The following TENM3 variants were observed in gnomAD, a reference collection of about 807,000 sequenced individuals.
TENM3 encodes the protein teneurin transmembrane protein 3.
TENM3 carries 63 observed loss-of-function variants against 255.1 expected under a neutral mutation model. That is an observed-to-expected ratio of 0.25 (90% CI 0.20 to 0.30). TENM3 has a LOEUF of 0.30. TENM3 is among the 10% of genes least tolerant of loss of function. The pLI is 1.00. For synonymous variants in TENM3, 1,306 were observed against 1,322.3 expected (o/e 0.99, Z 0.27); for missense variants, 2,929 against 3,461.1 (o/e 0.85, Z 3.86).
chr4:181,948,716 G>A, the TENM3 span, among the ~76,000 whole-genome samples: 4 of 152,070 alleles, frequency 2.6e-5, no homozygotes, highest in South Asian at 2.1e-4. Context: ...GCGCCTGGCC[G>A]GAAAATTATG....
the TENM3 span, among the ~76,000 whole-genome samples, chr4:181,570,930 G>C: frequency 6.6e-6 from 1 of 152,210 alleles, no homozygotes; most frequent in African/African-American, 2.4e-5. Context: ...CTGGCAGTGG[G>C]GAAGAAGTGT....
chr4:182,428,146 A>G (rs769319249), intron 3 of TENM3, among the ~76,000 whole-genome samples: 4 of 152,206 alleles, frequency 2.6e-5, no homozygotes, highest in African/African-American at 4.8e-5. Context: ...ACCAACCTGG[A>G]TTCAGAGAGC....
Position 182,743,365 on chromosome 4 carries a change from A to G in TENM3, c.3575A>G (p.Asn1192Ser). 1 of 1,613,960 alleles carries G rather than the reference A, an allele frequency of 6.2e-7. No homozygotes were observed. Among genetic ancestry groups the G allele is most frequent in the Non-Finnish European group, 8.5e-7 (1 of 1,179,842 alleles). ...IDGSLYVGDFNYVRRIFPSGN... is the reference protein window; with the variant it reads ...IDGSLYVGDFSYVRRIFPSGN... ...GGCAGTCTGTACGTAGGCGATTTCA[A>G]CTATGTGCGGCGGATATTCCCTTCT... Residue 1192 changes from asparagine to serine, a missense_variant, in exon 19 of 28, where the codon AAC becomes AGC. Physicochemically the swap from Asn to Ser is conservative, Grantham distance 46. Transcript: ENST00000511685.
intron 1 of TENM3, among the ~76,000 whole-genome samples, chr4:182,227,554 A>G (rs1186189027): frequency 6.6e-6 from 1 of 151,612 alleles, no homozygotes; most frequent in Non-Finnish European, 1.5e-5. Context: ...CATGGTTTAC[A>G]GTGTATGAGT....
the TENM3 span, among the ~76,000 whole-genome samples, chr4:181,752,796 G>C: frequency 6.6e-6 from 1 of 151,230 alleles, no homozygotes; most frequent in Non-Finnish European, 1.5e-5. Flanking sequence ...AAAAAAAATA[G>C]ATCTTTTAAA....
At chr4:181,572,596 T>A in the TENM3 span, among the ~76,000 whole-genome samples, 2 of 152,164 alleles carry the variant, frequency 1.3e-5, no homozygotes, top group Non-Finnish European at 2.9e-5. Flanking sequence ...TTACTTTATA[T>A]TTTTATTTTG....
chr4:182,736,850 C>G lies in TENM3; in HGVS notation c.3010C>G (p.Leu1004Val), dbSNP rs1210648199. ...TACAATTCCAGGAACAGATTTGAAACTCTCCTACTTGAGTTCCAGAGCTGC... is the reference window on the plus strand; with the variant it reads ...TACAATTCCAGGAACAGATTTGAAAGTCTCCTACTTGAGTTCCAGAGCTGC... ...ETTIPGTDLK[L>V]SYLSSRAAGY... The change falls in exon 17 of 28, where the codon CTC (leucine) becomes GTC (valine). Residue 1004 changes from leucine (L) to valine (V), a missense_variant. Leu to Val is a conservative substitution (Grantham distance 32, BLOSUM62 1). This residue lies in a region of TENM3 where 1,608 missense variants were observed against 1,884.4 expected (regional missense o/e 0.85). Coordinates refer to ENST00000511685, the MANE Select transcript of TENM3 (RefSeq NM_001080477.4). The G allele has an allele frequency of 6.2e-7, 1 of 1,613,604 alleles. No individual in the cohort carries two copies. Among genetic ancestry groups the G allele is most frequent in the African/African-American group, 1.3e-5 (1 of 74,888 alleles).
rs1386547647 is a variant in TENM3 at position 182,272,875 on chromosome 4, T to C, written c.-76+29399T>C. 1.1e-4 allele frequency among the ~76,000 whole-genome samples: 17 copies of C among 152,160 alleles called. 1 individual carries two copies. The highest frequency in any genetic ancestry group is 1.1e-3 in the Admixed American group (17 of 15,274). Reference sequence around the variant, plus strand: ...GAGAGAATGGCTGAGTGAGATGGTTTCCTTCAGGTGCAGGGGTTGGGAGCA... The same window carrying C: ...GAGAGAATGGCTGAGTGAGATGGTTCCCTTCAGGTGCAGGGGTTGGGAGCA... On this transcript the variant is annotated intron_variant, in intron 1 of 27. Coordinates refer to ENST00000511685, the MANE Select transcript of TENM3 (RefSeq NM_001080477.4).
intron 1 of TENM3, among the ~76,000 whole-genome samples, chr4:182,152,853 A>G (rs1003717881): frequency 6.6e-6 from 1 of 151,898 alleles, no homozygotes; most frequent in Non-Finnish European, 1.5e-5. Flanking sequence ...CAAAGAAAAA[A>G]GATGTAATTT....
intron 1 of TENM3, among the ~76,000 whole-genome samples, chr4:182,310,989 C>G (rs1440261308): frequency 6.6e-6 from 1 of 152,178 alleles, no homozygotes; most frequent in Admixed American, 6.5e-5. Context: ...GGATTACAGG[C>G]GTGAGCCACT....
At chr4:182,238,254 A>G (rs892851480) in intron 1 of TENM3, among the ~76,000 whole-genome samples, 4 of 152,198 alleles carry the variant, frequency 2.6e-5, no homozygotes, top group African/African-American at 9.6e-5. Context: ...CTGTCTATCA[A>G]AATGACTTCC....
chr4:181,627,884 T>C, the TENM3 span, among the ~76,000 whole-genome samples: 1 of 152,208 alleles, frequency 6.6e-6, no homozygotes, highest in Non-Finnish European at 1.5e-5. Flanking sequence ...ATGGTATTTC[T>C]AGTTCTAGAT....
At chr4:181,517,879 C>G in the TENM3 span, among the ~76,000 whole-genome samples, 9 of 152,262 alleles carry the variant, frequency 5.9e-5, no homozygotes, top group African/African-American at 2.2e-4. Flanking sequence ...ACCTAAGGAA[C>G]CAGCACTGAC....
chr4:182,798,882 CCAGA>C lies in TENM3; in HGVS notation c.7345-711_7345-708del, dbSNP rs201073668. On this transcript the variant is annotated intron_variant, in intron 27 of 27. Transcript: ENST00000511685. ...GATGTTTTCATTTGGGAAACAATGG[CCAGA>C]CAAACATCTGGTGGTATAAGAAATG... 8.0e-3 allele frequency among the ~76,000 whole-genome samples: 1,216 copies of C among 152,246 alleles called. 14 individuals carry two copies. The highest frequency in any genetic ancestry group is 0.027 in the African/African-American group (1,127 of 41,548).
chr4:182,331,923 T>A (rs1763785181), intron 2 of TENM3, among the ~76,000 whole-genome samples: 1 of 152,214 alleles, frequency 6.6e-6, no homozygotes, highest in African/African-American at 2.4e-5. Flanking sequence ...TTTGATTCAC[T>A]TCTTTTAGAA....
At chr4:181,882,507 A>G in the TENM3 span, among the ~76,000 whole-genome samples, 1 of 152,190 alleles carries the variant, frequency 6.6e-6, no homozygotes, top group African/African-American at 2.4e-5. Flanking sequence ...GTGAAGACTG[A>G]TATACAGGGG....
At chr4:181,487,711 G>C in the TENM3 span, among the ~76,000 whole-genome samples, 1 of 151,944 alleles carries the variant, frequency 6.6e-6, no homozygotes, top group Non-Finnish European at 1.5e-5. Context: ...AGCATCTCTG[G>C]ATATCTGACC....
At chr4:182,033,783 T>C in the TENM3 span, among the ~76,000 whole-genome samples, 2 of 152,230 alleles carry the variant, frequency 1.3e-5, no homozygotes, top group Admixed American at 6.5e-5. Flanking sequence ...CTTTTACCAT[T>C]CTGTAATGCC....
At chr4:181,984,672 A>T in the TENM3 span, among the ~76,000 whole-genome samples, 1 of 152,024 alleles carries the variant, frequency 6.6e-6, no homozygotes, top group Admixed American at 6.6e-5. Flanking sequence ...ATCTCTAGTA[A>T]ATTATAGAGT....
Sources: gnomAD v4.1 joint callset for allele counts (sites outside exome capture counted in the v4.1 genomes callset) on GRCh38, gnomAD v4.1.1 for gene constraint, gnomAD v4.1.1 regional missense constraint, MANE v1.5 for transcripts, NCBI Gene and HGNC (gene_info 2026-07-23, HGNC 2026-07-21) for gene names.